Variants in GADL1 observed in about 807,000 individuals in gnomAD.
GADL1 encodes acidic amino acid decarboxylase GADL1.
In GADL1, 71 loss-of-function variants were observed where a neutral mutation model predicts 69.5. The ratio of observed to expected loss-of-function variants is 1.02; its 90% CI spans 0.84 to 1.25. The LOEUF is 1.25. Among genes scored for constraint, GADL1 ranks in the 50% most tolerant of loss-of-function variants. The pLI is 0.00. For synonymous variants in GADL1, 254 were observed against 214.4 expected (o/e 1.18, Z -1.62); for missense variants, 737 against 631.8 (o/e 1.17, Z -1.79).
intron 13 of GADL1, among the ~76,000 whole-genome samples, chr3:30,786,036 C>T (rs1696781720): frequency 6.6e-6 from 1 of 152,182 alleles, no homozygotes. Flanking sequence ...GGCACCACTA[C>T]ATCACAGATG....
Position 30,772,912 on chromosome 3 carries a change from C to T in GADL1, c.1392+5267G>A, listed in dbSNP as rs76300634. Among the ~76,000 whole-genome samples, 92 of 152,082 alleles carry T rather than the reference C, an allele frequency of 6.0e-4. 3 individuals are homozygous for T. In the East Asian group the frequency reaches 0.017, roughly 29 times the overall value. ...AGCGAAGTGTAACTCTACCACAATG[C>T]CCGAAGCTTTCAGGGAAACCTAGGA... is the stretch of plus-strand genomic sequence containing the variant. On this transcript the variant is annotated intron_variant, in intron 14 of 14. Transcript: ENST00000282538.
intron 11 of GADL1, among the ~76,000 whole-genome samples, chr3:30,819,806 C>T (rs896287561): frequency 1.3e-5 from 2 of 151,860 alleles, no homozygotes; most frequent in African/African-American, 4.8e-5. Flanking sequence ...AAGGACATGG[C>T]ATATATTATG....
intron 14 of GADL1, among the ~76,000 whole-genome samples, chr3:30,777,664 G>A (rs984349489): frequency 9.3e-5 from 14 of 151,246 alleles, no homozygotes; most frequent in Non-Finnish European, 1.9e-4. Context: ...TGTGTGTGAA[G>A]ACACTTCCAA....
intron 11 of GADL1, among the ~76,000 whole-genome samples, chr3:30,818,488 A>AT (rs879418433): frequency 4.0e-5 from 6 of 151,642 alleles, no homozygotes; most frequent in Non-Finnish European, 7.4e-5. Context: ...GTTGATTAAG[A>AT]TTTTTTTTTC....
intron 1 of GADL1, among the ~76,000 whole-genome samples, chr3:30,876,178 A>G (rs1416707794): frequency 1.3e-5 from 2 of 152,088 alleles, no homozygotes; most frequent in Non-Finnish European, 2.9e-5. Context: ...ACATACTAAC[A>G]TCCCCGTTTT....
Position 30,854,505 on chromosome 3 carries a change from C to T in GADL1, c.428+194G>A, listed in dbSNP as rs192795238. ...CATTAAATGAGATAATAATGACTGC[C>T]TTTTCCATCTCACGGTACCACTATT... On this transcript the variant is annotated intron_variant, in intron 4 of 14. Coordinates refer to ENST00000282538, the MANE Select transcript of GADL1 (RefSeq NM_207359.3). Among the ~76,000 whole-genome samples, 3 of 152,174 alleles carry T rather than the reference C, an allele frequency of 2.0e-5. No homozygotes were observed. The East Asian group carries it at 5.8e-4, about 29-fold the overall frequency.
intron 1 of GADL1, among the ~76,000 whole-genome samples, chr3:30,883,744 G>A (rs116208928): frequency 0.014 from 2,079 of 151,992 alleles, 41 homozygotes; most frequent in African/African-American, 0.046. Context: ...TAGCATGGAC[G>A]TCTTAATAAT....
chr3:30,811,187 C>T (rs538742440), intron 11 of GADL1, among the ~76,000 whole-genome samples: 1 of 152,228 alleles, frequency 6.6e-6, no homozygotes, highest in Non-Finnish European at 1.5e-5. Context: ...TGTAAATCTT[C>T]CTTAAATACC....
chr3:30,800,833 A>ACACG (rs1293756433), intron 12 of GADL1, 56 bp downstream of exon 12: 2 of 1,194,642 alleles, frequency 1.7e-6, no homozygotes, highest in East Asian at 4.8e-5. Context: ...ACACACACAC[A>ACACG]CACACACACA....
chr3:30,761,137 CTT>C (rs1256147865), intron 14 of GADL1, among the ~76,000 whole-genome samples: 5 of 152,138 alleles, frequency 3.3e-5, no homozygotes, highest in Non-Finnish European at 7.4e-5. Flanking sequence ...GGACGTAAAT[CTT>C]TATATTGTAT....
intron 11 of GADL1, among the ~76,000 whole-genome samples, chr3:30,815,652 T>A (rs1697453516): frequency 6.6e-6 from 1 of 152,238 alleles, no homozygotes; most frequent in South Asian, 2.1e-4. Flanking sequence ...TTAACCCGAC[T>A]GGCTGTGGAA....
At position 30,728,162 on chromosome 3, in the gene GADL1, T is replaced by C; in HGVS notation, c.*80A>G. ...CTATTTCTCATCAGAAGGGCTGCAA[T>C]CTACTGTGTATCTCCAAGATGTTCT... On this transcript the variant is annotated 3_prime_UTR_variant, in exon 15 of 15. Coordinates refer to ENST00000282538, the MANE Select transcript of GADL1 (RefSeq NM_207359.3). 1 of 1,261,298 alleles carries C rather than the reference T, an allele frequency of 7.9e-7. No individual in the cohort carries two copies. Among genetic ancestry groups the C allele is most frequent in the South Asian group, 1.3e-5 (1 of 76,714 alleles). The allele number at this position is 1,261,298 out of a possible 1,614,324, so 78.1% of individuals were successfully genotyped here.
chr3:30,753,844 C>G (rs1479688312), intron 14 of GADL1, among the ~76,000 whole-genome samples: 1 of 152,116 alleles, frequency 6.6e-6, no homozygotes, highest in Non-Finnish European at 1.5e-5. Flanking sequence ...ACACTTAAAT[C>G]TCTGAGGCTC....
intron 11 of GADL1, among the ~76,000 whole-genome samples, chr3:30,811,043 C>A (rs1011481025): frequency 1.3e-5 from 2 of 152,186 alleles, no homozygotes; most frequent in East Asian, 1.9e-4. Context: ...GAGATCAAGA[C>A]TCCCCTTCCC....
rs1005422748 is a variant in GADL1, at chr3:30,728,022, A to ATT, written c.*218_*219dup. ...TCCAGGGGCATTCCTTGAGAAAATC[A>ATT]TTTTTTTTTTTAAACTTTCTTCTTT... On this transcript the variant is annotated 3_prime_UTR_variant, in exon 15 of 15. Coordinates refer to ENST00000282538, the MANE Select transcript of GADL1 (RefSeq NM_207359.3). The ATT allele has an allele frequency of 5.1e-6, 2 of 391,660 alleles. No individual in the cohort carries two copies. The highest frequency in any genetic ancestry group is 7.9e-5 in the East Asian group (2 of 25,334). The allele number at this position is 391,660 out of a possible 1,614,324, so 24.3% of individuals were successfully genotyped here. A position where few individuals can be genotyped will look rare whatever the true frequency, so the allele number is the denominator to read the frequency against.
chr3:30,855,109 G>C (rs191992004), intron 3 of GADL1, among the ~76,000 whole-genome samples: 17 of 152,128 alleles, frequency 1.1e-4, no homozygotes, highest in Admixed American at 1.1e-3. Flanking sequence ...ATCATGCCGA[G>C]CAATTAAGAT....
intron 14 of GADL1, among the ~76,000 whole-genome samples, chr3:30,769,584 T>C (rs1449923587): frequency 6.6e-6 from 1 of 152,028 alleles, no homozygotes; most frequent in African/African-American, 2.4e-5. Flanking sequence ...TCTAGGAAGA[T>C]AGACATCTTC....
At chr3:30,868,273 C>A (rs951010952) in intron 1 of GADL1, among the ~76,000 whole-genome samples, 1 of 152,022 alleles carries the variant, frequency 6.6e-6, no homozygotes, top group African/African-American at 2.4e-5. Context: ...TTCCGATAGT[C>A]CGTGGTCTGT....
chr3:30,786,177 A>G (rs1696784738), intron 13 of GADL1, among the ~76,000 whole-genome samples, 178 bp downstream of exon 13: 1 of 152,210 alleles, frequency 6.6e-6, no homozygotes, highest in Admixed American at 6.6e-5. Flanking sequence ...CTGTGAATCC[A>G]ACAAAGGAAA....
Sources: gnomAD v4.1 joint callset for allele counts (sites outside exome capture counted in the v4.1 genomes callset) on GRCh38, gnomAD v4.1.1 for gene constraint, MANE v1.5 for transcripts, NCBI Gene and HGNC (gene_info 2026-07-23, HGNC 2026-07-21) for gene names.